The following LRRC59 variants were observed in gnomAD, a reference collection of about 807,000 sequenced individuals.
LRRC59 encodes leucine-rich repeat-containing protein 59.
LRRC59 carries 18 observed loss-of-function variants against 33.5 expected under a neutral mutation model. That is an observed-to-expected ratio of 0.54 (90% confidence interval 0.37 to 0.80). The LOEUF is 0.80. Among genes scored for constraint, LRRC59 ranks in the 30% least tolerant of loss-of-function variants. LRRC59 has a pLI of 0.00. For synonymous variants in LRRC59, 138 were observed against 160.0 expected, an observed-to-expected ratio of 0.86 and a Z score of 1.04; for missense variants, 330 against 391.9, an observed-to-expected ratio of 0.84 and a Z score of 1.33.
In LRRC59 at chr17:50,392,442, C is replaced by A; in HGVS notation, c.385G>T (p.Gly129Cys). The A allele has an allele frequency of 6.2e-7, 1 of 1,614,194 alleles. No homozygotes were observed. Among genetic ancestry groups the A allele is most frequent in the South Asian group, 1.1e-5 (1 of 91,084 alleles). ...PLDPVLAKVA[G>C]DCLDEKQCKQ... Reference sequence around the variant, plus strand: ...CACTGCTTCTCATCCAAGCAGTCACCTGCCACCTTGGCCAGGACAGGATCC... The same window carrying A: ...CACTGCTTCTCATCCAAGCAGTCACATGCCACCTTGGCCAGGACAGGATCC... Residue 129 changes from glycine to cysteine, a missense_variant, in exon 4 of 7, where the codon GGT (glycine) becomes TGT (cysteine). Transcript: ENST00000225972.
chr17:50,387,885 G>A (rs1435815711), intron 5 of LRRC59, among the ~76,000 whole-genome samples, 175 bp downstream of exon 5: 1 of 152,130 alleles, frequency 6.6e-6, no homozygotes, highest in Admixed American at 6.5e-5. Flanking sequence ...AGAGAAGCCA[G>A]GACTGAAGAG....
At chr17:50,392,172 A>G (rs1914160898) in intron 4 of LRRC59, among the ~76,000 whole-genome samples, 1 of 152,190 alleles carries the variant, frequency 6.6e-6, no homozygotes, top group African/African-American at 2.4e-5. Flanking sequence ...TTGCACTCCA[A>G]CCTGGGCAAC....
intron 4 of LRRC59, 34 bp from the exon 5 acceptor site, chr17:50,388,166 A>G (rs1451043838): frequency 6.3e-7 from 1 of 1,594,294 alleles, no homozygotes; most frequent in Non-Finnish European, 8.6e-7. Flanking sequence ...AGTGCTCTTC[A>G]TAGTCATGTT....
At chr17:50,388,796 T>C (rs902431537) in intron 4 of LRRC59, among the ~76,000 whole-genome samples, 1 of 152,210 alleles carries the variant, frequency 6.6e-6, no homozygotes, top group African/African-American at 2.4e-5. Context: ...CACGCTTTCC[T>C]GACTGCCCCT....
intron 4 of LRRC59, among the ~76,000 whole-genome samples, chr17:50,391,435 T>C (rs997214250): frequency 6.6e-6 from 1 of 152,216 alleles, no homozygotes; most frequent in Admixed American, 6.5e-5. Context: ...AAGTTAAGTC[T>C]TTTTTGTTCA....
rs1913895453 is a variant in LRRC59 at position 50,382,731 on chromosome 17, C to A, written c.*257G>T. 5.7e-6 allele frequency: 3 copies of A among 525,714 alleles called. No individual in the cohort carries two copies. The highest frequency in any genetic ancestry group is 3.4e-6 in the Non-Finnish European group (1 of 296,160). 32.6% of individuals were successfully genotyped at this position (525,714 alleles called of 1,614,324 possible). On this transcript the variant is annotated 3_prime_UTR_variant, in exon 7 of 7. Coordinates refer to ENST00000225972, the MANE Select transcript of LRRC59 (RefSeq NM_018509.4). ...AAGGCTATGTTTTCTCTCTCCCCAC[C>A]CCCAAGCCTACTCCTTTAGGCATGC... is the stretch of plus-strand genomic sequence containing the variant.
intron 6 of LRRC59, among the ~76,000 whole-genome samples, chr17:50,384,386 G>A (rs1294189206): frequency 6.6e-6 from 1 of 152,028 alleles, no homozygotes. Flanking sequence ...TCAAACTCCT[G>A]GGCTCAAGTG....
In LRRC59 at chr17:50,385,215, C is replaced by CTAAG. The variant is rs1263538691; in HGVS notation, c.578_579insCTTA (p.Glu194LeufsTer12). The CTAAG allele has an allele frequency of 6.2e-7, 1 of 1,614,042 alleles. No homozygotes were observed. The highest frequency in any genetic ancestry group is 1.3e-5 in the African/African-American group (1 of 74,914). ...CCTTTCTCCGGCGCTCCTTCTCTTC[C>CTAAG]GCCTTCTCCCGCTTCCGCAGTTCCC... On this transcript the variant is annotated frameshift_variant, in exon 6 of 7. Coordinates refer to ENST00000225972, the MANE Select transcript of LRRC59 (RefSeq NM_018509.4). LOFTEE classifies it high-confidence loss of function.
Position 50,388,095 on chromosome 17 carries a change from T to C in LRRC59, c.467A>G (p.Glu156Gly). The C allele has an allele frequency of 6.2e-7, 1 of 1,614,136 alleles. No individual in the cohort carries two copies. The highest frequency in any genetic ancestry group is 8.5e-7 in the Non-Finnish European group (1 of 1,180,022). Residue 156 changes from glutamate to glycine, a missense_variant, in exon 5 of 7, where the codon GAG (glutamate) becomes GGG (glycine). By Grantham distance (98) the Glu-to-Gly change is moderately conservative. Transcript: ENST00000225972. ...TTCCAGCCGCCGCTGCCTCTCCCGC[T>C]CCTGATCTGCCTGCACGGCCTTCAT... is the stretch of plus-strand genomic sequence containing the variant. Reference protein sequence around the residue: ...QHMKAVQADQERERQRRLEVE... With the variant: ...QHMKAVQADQGRERQRRLEVE...
At chr17:50,397,165 C>T in intron 1 of LRRC59, 48 bp downstream of exon 1, 1 of 1,426,830 alleles carries the variant, frequency 7.0e-7, no homozygotes, top group Non-Finnish European at 9.5e-7. Flanking sequence ...ACGTAGGGGC[C>T]AGCGCCCGGC....
In LRRC59 at chr17:50,382,631, G is replaced by A. The variant is rs1235102672; in HGVS notation, c.*357C>T. The A allele has an allele frequency of 3.7e-6, 1 of 266,922 alleles. No homozygotes were observed. The highest frequency in any genetic ancestry group is 7.2e-6 in the Non-Finnish European group (1 of 138,296). The allele number at this position is 266,922 out of a possible 1,614,324, so 16.5% of individuals were successfully genotyped here. A position where few individuals can be genotyped will look rare whatever the true frequency, so the allele number is the denominator to read the frequency against. On this transcript the variant is annotated 3_prime_UTR_variant, in exon 7 of 7. Transcript: ENST00000225972. The stretch of plus-strand genomic sequence containing the variant: ...ATGAAAGGGTTTGTGGCATACAAAA[G>A]TATAAATGTAGTGACAGCTGACCAT...
Position 50,382,656 on chromosome 17 carries a change from T to G in LRRC59, c.*332A>C, listed in dbSNP as rs1022917925. 3 of 312,166 alleles carry G rather than the reference T, an allele frequency of 9.6e-6. No homozygotes were observed. The highest frequency in any genetic ancestry group is 1.2e-5 in the Non-Finnish European group (2 of 165,934). 19.3% of individuals were successfully genotyped at this position (312,166 alleles called of 1,614,324 possible). A position where few individuals can be genotyped will look rare whatever the true frequency, so the allele number is the denominator to read the frequency against. On this transcript the variant is annotated 3_prime_UTR_variant, in exon 7 of 7. Coordinates refer to ENST00000225972, the MANE Select transcript of LRRC59 (RefSeq NM_018509.4). ...GTATAAATGTAGTGACAGCTGACCA[T>G]TTAGTAGAAACGAGCCTTGCCTTTA... is the stretch of plus-strand genomic sequence containing the variant.
At chr17:50,385,734 G>A (rs1290158578) in intron 5 of LRRC59, among the ~76,000 whole-genome samples, 1 of 152,200 alleles carries the variant, frequency 6.6e-6, no homozygotes. Context: ...GGGGACAAGT[G>A]AGAAGAGAAA....
intron 4 of LRRC59, among the ~76,000 whole-genome samples, chr17:50,389,959 G>A (rs1365215639): frequency 2.0e-5 from 3 of 151,904 alleles, no homozygotes; most frequent in Non-Finnish European, 2.9e-5. Context: ...TTAGCTGGGT[G>A]TGGTGGTGTG....
chr17:50,387,955 A>G, intron 5 of LRRC59, 105 bp downstream of exon 5: 1 of 1,102,946 alleles, frequency 9.1e-7, no homozygotes. Context: ...CCGCCCACTA[A>G]CTGTTCTTCA....
intron 1 of LRRC59, chr17:50,396,650 G>A (rs1384431814): frequency 6.5e-6 from 1 of 153,248 alleles, no homozygotes; most frequent in Admixed American, 6.5e-5. Flanking sequence ...AAGGTTGGGG[G>A]AGAGAGGGGC....
At chr17:50,387,940 C>T (rs1914049509) in intron 5 of LRRC59, 120 bp downstream of exon 5, 2 of 930,516 alleles carry the variant, frequency 2.1e-6, no homozygotes, top group Admixed American at 3.5e-5. Flanking sequence ...AATACTGTCC[C>T]CCCACCGCCC....
Position 50,397,277 on chromosome 17 carries a change from T to C in LRRC59, c.41A>G (p.Lys14Arg). ...CAGGTCCAGTTCGTTGCCGTCCAGC[T>C]TGTCGCGGAGGTTCCCGCCCTTGCT... Reference protein sequence around the residue: ...AGSKGGNLRDKLDGNELDLSL... With the variant: ...AGSKGGNLRDRLDGNELDLSL... The change falls in exon 1 of 7, where the codon AAG (lysine) becomes AGG (arginine). Residue 14 changes from lysine (K) to arginine (R), a missense_variant. By Grantham distance (26) the Lys-to-Arg change is conservative (BLOSUM62 2). Transcript: ENST00000225972. 1 of 1,610,328 alleles carries C rather than the reference T, an allele frequency of 6.2e-7. No homozygotes were observed. Among genetic ancestry groups the C allele is most frequent in the Non-Finnish European group, 8.5e-7 (1 of 1,178,626 alleles).
intron 4 of LRRC59, among the ~76,000 whole-genome samples, chr17:50,390,099 A>C (rs1304914941): frequency 2.3e-5 from 2 of 85,976 alleles, no homozygotes; most frequent in African/African-American, 8.2e-5. Flanking sequence ...CTCTGTCTCA[A>C]AAAAAAAAAA....
Sources: allele counts gnomAD v4.1 joint callset (sites outside exome capture counted in the v4.1 genomes callset), GRCh38; gene constraint gnomAD v4.1.1; transcripts MANE v1.5; gene names NCBI Gene and HGNC (gene_info 2026-07-23, HGNC 2026-07-21).